ZFHX4: variants seen among roughly 807,000 people sequenced by gnomAD.
ZFHX4 encodes zinc finger homeobox protein 4.
A neutral mutation model predicts 267.6 loss-of-function variants in ZFHX4; 56 were observed. The observed-to-expected ratio is 0.21, with a 90% confidence interval of 0.17 to 0.26. The LOEUF is 0.26. ZFHX4 is among the 10% of genes least tolerant of loss of function. ZFHX4 has a pLI of 1.00. For synonymous variants in ZFHX4, 1,778 were observed against 1,665.6 expected, an observed-to-expected ratio of 1.07 and a Z score of -1.64; for missense variants, 4,332 against 4,420.0, an observed-to-expected ratio of 0.98 and a Z score of 0.56.
intron 4 of ZFHX4, among the ~76,000 whole-genome samples, chr8:76,826,233 G>A (rs2131876528): frequency 6.6e-6 from 1 of 152,298 alleles, no homozygotes; most frequent in Non-Finnish European, 1.5e-5. Context: ...CATGAACTGA[G>A]TGAGAACTCA....
At position 76,691,135 on chromosome 8, in the gene ZFHX4, T is replaced by C. The variant is rs1247844720; in HGVS notation, c.-47+9515T>C. On this transcript the variant is annotated intron_variant, in intron 1 of 10. Transcript: ENST00000651372. ...CTTGTTGAATGAATGAATATGAAGG[T>C]TGTGGAGATGGTGAAGAGTTGGAAG... 3.3e-5 allele frequency among the ~76,000 whole-genome samples: 5 copies of C among 152,100 alleles called. No homozygotes were observed. The South Asian group carries it at 8.3e-4, about 25-fold the overall frequency.
rs747426760 is a variant in ZFHX4, at chr8:76,707,832, G to T, written c.2877G>T (p.Gln959His). The T allele has an allele frequency of 6.2e-7, 1 of 1,614,088 alleles. No individual in the cohort carries two copies. The highest frequency in any genetic ancestry group is 8.5e-7 in the Non-Finnish European group (1 of 1,179,998). ...ACACTCAGCTCAAAGCCAACTTCCA[G>T]CTACACTGCAAGACTGATAAACATA... ...NYNTQLKANF[Q>H]LHCKTDKHMQ... is the part of the protein sequence containing the mutation. Residue 959 changes from glutamine (Q) to histidine (H), a missense_variant, in exon 3 of 11, where the codon CAG becomes CAT. By Grantham distance (24) the Gln-to-His change is conservative (BLOSUM62 0). Coordinates refer to ENST00000651372, the MANE Select transcript of ZFHX4 (RefSeq NM_024721.5).
At chr8:76,759,484 T>C (rs6993709) in intron 3 of ZFHX4, among the ~76,000 whole-genome samples, 40,546 of 152,060 alleles carry the variant, frequency 0.27, 7,144 homozygotes, top group African/African-American at 0.49. Context: ...AACCATTAAA[T>C]AAAATGATCT....
At position 76,842,733 on chromosome 8, in the gene ZFHX4, G is replaced by C; in HGVS notation, c.3473G>C (p.Arg1158Thr). The change falls in exon 6 of 11, where the codon AGA becomes ACA. Residue 1158 changes from arginine to threonine, a missense_variant. By Grantham distance (71) the Arg-to-Thr change is moderately conservative. Around this residue, in one of 7 missense-constraint regions of ZFHX4, gnomAD observed 1,371 missense variants for 1,423.1 expected, o/e 0.96. Transcript: ENST00000651372. The part of the protein sequence containing the change: ...AEDDEKDTSE[R>T]DNSEGKNSNK... The stretch of plus-strand genomic sequence containing the variant: ...GACGATGAAAAAGACACAAGTGAGA[G>C]AGACAATAGTGAAGGCAAAAACTCT... 1 of 1,554,244 alleles carries C rather than the reference G, an allele frequency of 6.4e-7. No homozygotes were observed.
chr8:76,783,545 G>C (rs1810607958), intron 4 of ZFHX4, among the ~76,000 whole-genome samples: 1 of 151,810 alleles, frequency 6.6e-6, no homozygotes, highest in South Asian at 2.1e-4. Context: ...TGTGAAGCTA[G>C]GAAAAATGAA....
At chr8:76,754,437 C>T (rs377080596) in intron 3 of ZFHX4, among the ~76,000 whole-genome samples, 4 of 152,122 alleles carry the variant, frequency 2.6e-5, no homozygotes, top group South Asian at 2.1e-4. Flanking sequence ...TGTAGTGAGC[C>T]CAGATTGCGC....
intron 6 of ZFHX4, among the ~76,000 whole-genome samples, chr8:76,845,340 G>A (rs945000241): frequency 5.3e-5 from 8 of 151,980 alleles, no homozygotes; most frequent in African/African-American, 1.9e-4. Context: ...AATTAATACA[G>A]AGTTTATCCA....
chr8:76,835,243 A>ATATATATGTATATATATATG lies in ZFHX4; in HGVS notation c.3394+1844_3394+1845insGTATATATATATGTATATAT, dbSNP rs1554572191. 1.7e-4 allele frequency among the ~76,000 whole-genome samples: 17 copies of ATATATATGTATATATATATG among 102,712 alleles called. 1 individual carries two copies. Among genetic ancestry groups the ATATATATGTATATATATATG allele is most frequent in the East Asian group, 6.2e-4 (2 of 3,228 alleles). 67.4% of individuals were successfully genotyped at this position (102,712 alleles called of 152,430 possible). ...TGTATATATATATATATATATATGT[A>ATATATATGTATATATATATG]TATATATATATATATATTCATACAT... On this transcript the variant is annotated intron_variant, in intron 5 of 10. Coordinates refer to ENST00000651372, the MANE Select transcript of ZFHX4 (RefSeq NM_024721.5).
At chr8:76,721,135 A>C (rs541593110) in intron 3 of ZFHX4, among the ~76,000 whole-genome samples, 1 of 152,294 alleles carries the variant, frequency 6.6e-6, no homozygotes, top group South Asian at 2.1e-4. Flanking sequence ...ATGATGAGAA[A>C]GGTAAAGATT....
At position 76,852,514 on chromosome 8, in the gene ZFHX4, C is replaced by A; in HGVS notation, c.5593C>A (p.Pro1865Thr). 1 of 1,605,964 alleles carries A rather than the reference C, an allele frequency of 6.2e-7. No homozygotes were observed. The highest frequency in any genetic ancestry group is 2.2e-5 in the East Asian group (1 of 44,612). ...YKEAEDISEKPEKPKQEFISE... is the reference protein window; with the variant it reads ...YKEAEDISEKTEKPKQEFISE... ...GGAGGCAGAAGATATTTCTGAAAAG[C>A]CAGAAAAACCAAAGCAGGAATTTAT... The change falls in exon 10 of 11, where the codon CCA becomes ACA. Residue 1865 changes from proline (P) to threonine (T), a missense_variant. By Grantham distance (38) the Pro-to-Thr change is conservative. Transcript: ENST00000651372.
rs1263221494 is a variant in ZFHX4, at chr8:76,752,485, TCCAAAAAA to T, written c.3094-25722_3094-25715del. On this transcript the variant is annotated intron_variant, in intron 3 of 10. Coordinates refer to ENST00000651372, the MANE Select transcript of ZFHX4 (RefSeq NM_024721.5). ...GGTGAAACCCTGTCTCTACCAAAAA[TCCAAAAAA>T]AAAAAAAAAAAAAAAAGAAAAAAGA... is the stretch of plus-strand genomic sequence containing the variant. Among the ~76,000 whole-genome samples, 17 of 23,920 alleles carry T rather than the reference TCCAAAAAA, an allele frequency of 7.1e-4. No individual in the cohort carries two copies. In the Admixed American group the frequency reaches 8.1e-3, roughly 11 times the overall value. 15.7% of individuals were successfully genotyped at this position (23,920 alleles called of 152,430 possible). A position where few individuals can be genotyped will look rare whatever the true frequency, so the allele number is the denominator to read the frequency against.
Position 76,842,904 on chromosome 8 carries a change from CACT to C in ZFHX4, c.3511+138_3511+140del. On this transcript the variant is annotated intron_variant, in intron 6 of 10. Coordinates refer to ENST00000651372, the MANE Select transcript of ZFHX4 (RefSeq NM_024721.5). ...TCATTTTAAACTGTCTGAACATTCCCACTACTATTCATTGCATGTGCATTTTGC... is the reference window on the plus strand; with the variant it reads ...TCATTTTAAACTGTCTGAACATTCCCACTATTCATTGCATGTGCATTTTGC... 5.3e-6 allele frequency: 3 copies of C among 562,210 alleles called. No individual in the cohort carries two copies. The South Asian group carries it at 7.9e-5, about 15-fold the overall frequency. The allele number at this position is 562,210 out of a possible 1,614,324, so 34.8% of individuals were successfully genotyped here. A position where few individuals can be genotyped will look rare whatever the true frequency, so the allele number is the denominator to read the frequency against.
rs116522596 is a variant in ZFHX4 at position 76,842,342 on chromosome 8, G to A, written c.3395-313G>A. Among the ~76,000 whole-genome samples, 667 of 152,058 alleles carry A rather than the reference G, an allele frequency of 4.4e-3. 5 individuals carry two copies. The highest frequency in any genetic ancestry group is 0.015 in the African/African-American group (624 of 41,472). On this transcript the variant is annotated intron_variant, in intron 5 of 10. Transcript: ENST00000651372. Reference sequence around the variant, plus strand: ...ATGTTGTTACAAGGTTCTACTATTCGAATCACAGAATTGCCTTATACCCAA... The same window carrying A: ...ATGTTGTTACAAGGTTCTACTATTCAAATCACAGAATTGCCTTATACCCAA...
chr8:76,816,684 C>T (rs989359464), intron 4 of ZFHX4, among the ~76,000 whole-genome samples: 2 of 151,404 alleles, frequency 1.3e-5, no homozygotes, highest in Non-Finnish European at 2.9e-5. Context: ...CAACCTCCGC[C>T]TCCTGGGTTC....
chr8:76,707,961 C>G lies in ZFHX4; in HGVS notation c.3006C>G (p.Asn1002Lys). ...GCAACCCTGTTCACCTAAAATGTAA[C>G]GCCTGTGACTATTACACCAACAGTG... ...AIGNPVHLKCNACDYYTNSVD... is the reference protein window; with the variant it reads ...AIGNPVHLKCKACDYYTNSVD... The change falls in exon 3 of 11, where the codon AAC becomes AAG. Residue 1002 changes from asparagine (N) to lysine (K), a missense_variant. Asn to Lys is a moderately conservative substitution (Grantham distance 94, BLOSUM62 0). Coordinates refer to ENST00000651372, the MANE Select transcript of ZFHX4 (RefSeq NM_024721.5). 6.2e-7 allele frequency: 1 copy of G among 1,614,032 alleles called. No individual in the cohort carries two copies. The highest frequency in any genetic ancestry group is 8.5e-7 in the Non-Finnish European group (1 of 1,179,928).
rs867986197 is a variant in ZFHX4, at chr8:76,849,034, C to T, written c.3551C>T (p.Ala1184Val). 1 of 1,560,168 alleles carries T rather than the reference C, an allele frequency of 6.4e-7. No homozygotes were observed. Among genetic ancestry groups the T allele is most frequent in the Admixed American group, 1.9e-5 (1 of 52,200 alleles). Residue 1184 changes from alanine to valine, a missense_variant, in exon 7 of 11, where the codon GCA (alanine) becomes GTA (valine). Physicochemically the swap from Ala to Val is moderately conservative, Grantham distance 64 (BLOSUM62 0). This residue lies in a region of ZFHX4 where 1,371 missense variants were observed against 1,423.1 expected (regional missense o/e 0.96). Coordinates refer to ENST00000651372, the MANE Select transcript of ZFHX4 (RefSeq NM_024721.5). ...GAGAAGGAACTAAAAGTTAGTGTGG[C>T]AGGGGGTACCCAGCCACTCCTGCTG... Reference protein sequence around the residue: ...TPEKELKVSVAGGTQPLLLAK... With the variant: ...TPEKELKVSVVGGTQPLLLAK...
At chr8:76,843,821 TC>T (rs1812298712) in intron 6 of ZFHX4, among the ~76,000 whole-genome samples, 2 of 152,156 alleles carry the variant, frequency 1.3e-5, no homozygotes, top group South Asian at 4.1e-4. Context: ...ACCTGAATCA[TC>T]CCACGTTTGT....
chr8:76,730,907 A>T lies in ZFHX4; in HGVS notation c.3093+22859A>T, dbSNP rs575832609. 3.9e-5 allele frequency among the ~76,000 whole-genome samples: 6 copies of T among 152,180 alleles called. No homozygotes were observed. The South Asian group carries it at 1.0e-3, about 26-fold the overall frequency. On this transcript the variant is annotated intron_variant, in intron 3 of 10. Transcript: ENST00000651372. ...TGTTTTACGTCCATTGTCTCATTCG[A>T]TCCTCACAACAGCCCACTGAAGTAC...
chr8:76,759,410 T>G (rs542539909), intron 3 of ZFHX4, among the ~76,000 whole-genome samples: 4 of 152,368 alleles, frequency 2.6e-5, no homozygotes, highest in African/African-American at 9.6e-5. Flanking sequence ...CTCTCAGCTT[T>G]TCACTCTCTT....
Sources: allele counts gnomAD v4.1 joint callset (sites outside exome capture counted in the v4.1 genomes callset), GRCh38; gene constraint gnomAD v4.1.1; regional missense constraint gnomAD v4.1.1; transcripts MANE v1.5; gene names NCBI Gene and HGNC (gene_info 2026-07-23, HGNC 2026-07-21).